Variants in KCNH8 observed in about 807,000 individuals in gnomAD.
KCNH8 encodes potassium voltage-gated channel subfamily H member 8, also known as voltage-gated delayed rectifier potassium channel KCNH8.
Under a neutral mutation model 103.6 loss-of-function variants are expected in KCNH8, and 70 were observed. That is an observed-to-expected ratio of 0.68 (90% CI 0.56 to 0.82). The LOEUF (loss-of-function observed/expected upper bound fraction) is 0.82. Among genes scored for constraint, KCNH8 ranks in the 40% least tolerant of loss-of-function variants. KCNH8 has a pLI of 0.00. For missense variants in KCNH8, 1,217 were observed against 1,329.9 expected (o/e 0.92, Z 1.32); for synonymous variants, 498 against 489.4 (o/e 1.02, Z -0.23).
At chr3:19,321,268 G>A (rs1197778602) in intron 3 of KCNH8, among the ~76,000 whole-genome samples, 4 of 151,758 alleles carry the variant, frequency 2.6e-5, no homozygotes, top group South Asian at 2.1e-4. Flanking sequence ...TCCGAGGTGC[G>A]ACCTTAGATT....
intron 1 of KCNH8, among the ~76,000 whole-genome samples, chr3:19,160,752 C>T (rs914906211): frequency 1.3e-5 from 2 of 152,124 alleles, no homozygotes; most frequent in Non-Finnish European, 2.9e-5. Context: ...CTCCATCCCA[C>T]CCAGGATGTG....
intron 11 of KCNH8, among the ~76,000 whole-genome samples, chr3:19,485,928 C>T (rs1415143133): frequency 6.6e-6 from 1 of 152,176 alleles, no homozygotes; most frequent in Non-Finnish European, 1.5e-5. Context: ...ATGCTCCATG[C>T]ACTTGAGAAT....
chr3:19,253,072 T>C (rs1241071216), intron 1 of KCNH8, among the ~76,000 whole-genome samples: 1 of 152,182 alleles, frequency 6.6e-6, no homozygotes, highest in Non-Finnish European at 1.5e-5. Context: ...AACCTTTAGT[T>C]GTACTCCTCA....
At chr3:19,341,911 A>G (rs2065664535) in intron 3 of KCNH8, among the ~76,000 whole-genome samples, 1 of 152,162 alleles carries the variant, frequency 6.6e-6, no homozygotes, top group Admixed American at 6.6e-5. Flanking sequence ...TACCACTGCC[A>G]GTAATTTATT....
At chr3:19,180,676 GT>G (rs940027802) in intron 1 of KCNH8, among the ~76,000 whole-genome samples, 2 of 151,554 alleles carry the variant, frequency 1.3e-5, no homozygotes, top group Non-Finnish European at 2.9e-5. Flanking sequence ...AAGTTGTATG[GT>G]TTTTTTTGTT....
At position 19,438,256 on chromosome 3, in the gene KCNH8, G is replaced by A. The variant is rs1160540365; in HGVS notation, c.1270G>A (p.Ala424Thr). The change falls in exon 8 of 16, where the codon GCT becomes ACT. Residue 424 changes from alanine (A) to threonine (T), a missense_variant. Physicochemically the swap from Ala to Thr is moderately conservative, Grantham distance 58. Around this residue, in one of 3 missense-constraint regions of KCNH8, gnomAD observed 415 missense variants for 577.4 expected, o/e 0.72. Coordinates refer to ENST00000328405, the MANE Select transcript of KCNH8 (RefSeq NM_144633.3). ...GPSIRSAYIA[A>T]LYFTLSSLTS... is the part of the protein sequence containing the mutation. ...GTCGATCCGAAGTGCCTATATTGCC[G>A]CTCTGTACTTCACGCTGAGCAGCCT... 3 of 1,613,902 alleles carry A rather than the reference G, an allele frequency of 1.9e-6. No individual in the cohort carries two copies. Among genetic ancestry groups the A allele is most frequent in the Non-Finnish European group, 2.5e-6 (3 of 1,179,970 alleles).
chr3:19,176,864 T>C (rs1352805827), intron 1 of KCNH8, among the ~76,000 whole-genome samples: 2 of 152,178 alleles, frequency 1.3e-5, no homozygotes, highest in African/African-American at 2.4e-5. Flanking sequence ...AGGAGTTAAG[T>C]TCTTGTGAGC....
intron 1 of KCNH8, among the ~76,000 whole-genome samples, chr3:19,240,560 C>T (rs944114111): frequency 6.7e-5 from 10 of 150,246 alleles, no homozygotes; most frequent in Admixed American, 2.0e-4. Flanking sequence ...TGCGGTGAGC[C>T]GAGATCGTGC....
At chr3:19,320,728 C>G (rs2065338709) in intron 3 of KCNH8, among the ~76,000 whole-genome samples, 1 of 151,752 alleles carries the variant, frequency 6.6e-6, no homozygotes, top group Non-Finnish European at 1.5e-5. Flanking sequence ...CTTCCTCTGT[C>G]TTTTGGGATA....
intron 1 of KCNH8, among the ~76,000 whole-genome samples, chr3:19,213,094 T>A (rs1019957008): frequency 6.6e-6 from 1 of 152,176 alleles, no homozygotes; most frequent in Admixed American, 6.5e-5. Context: ...GACTCCTTCT[T>A]TGCACCCAAT....
intron 7 of KCNH8, among the ~76,000 whole-genome samples, chr3:19,398,584 A>G (rs1363121653): frequency 2.0e-5 from 3 of 151,980 alleles, no homozygotes; most frequent in Admixed American, 2.0e-4. Context: ...AGTGAGGGAT[A>G]AAGTTCCCTT....
chr3:19,293,019 C>G (rs1260933708), intron 3 of KCNH8, among the ~76,000 whole-genome samples: 1 of 152,052 alleles, frequency 6.6e-6, no homozygotes, highest in East Asian at 1.9e-4. Context: ...ATAGAAATAG[C>G]CAAAAGAGAA....
chr3:19,470,860 A>G (rs2067841221), intron 11 of KCNH8, among the ~76,000 whole-genome samples: 1 of 152,214 alleles, frequency 6.6e-6, no homozygotes, highest in Admixed American at 6.5e-5. Context: ...ATATATTAAA[A>G]TAAAAACATA....
At chr3:19,326,509 T>G (rs1378659524) in intron 3 of KCNH8, among the ~76,000 whole-genome samples, 1 of 151,892 alleles carries the variant, frequency 6.6e-6, no homozygotes, top group Non-Finnish European at 1.5e-5. Context: ...TGAGTCAGGC[T>G]TAGGTAAAAT....
chr3:19,313,448 T>C (rs902002771), intron 3 of KCNH8, among the ~76,000 whole-genome samples: 1 of 151,898 alleles, frequency 6.6e-6, no homozygotes. Flanking sequence ...CTAAGGCTTA[T>C]TTTACTGTAA....
At chr3:19,228,435 T>C (rs2063956837) in intron 1 of KCNH8, among the ~76,000 whole-genome samples, 1 of 152,208 alleles carries the variant, frequency 6.6e-6, no homozygotes, top group Admixed American at 6.5e-5. Flanking sequence ...TGAGCACTTT[T>C]ATAATTTGTG....
chr3:19,336,058 TATTAA>T (rs1476008675), intron 3 of KCNH8, among the ~76,000 whole-genome samples: 1 of 151,658 alleles, frequency 6.6e-6, no homozygotes, highest in Non-Finnish European at 1.5e-5. Flanking sequence ...ATTGTTTTCC[TATTAA>T]ATTACTATAT....
chr3:19,211,746 G>A (rs75768397), intron 1 of KCNH8, among the ~76,000 whole-genome samples: 6,205 of 152,104 alleles, frequency 0.041, 441 homozygotes, highest in African/African-American at 0.14. Context: ...ATCTCAGATC[G>A]CATTTATTTT....
chr3:19,511,876 G>A (rs1315527707), intron 12 of KCNH8, among the ~76,000 whole-genome samples: 3 of 151,994 alleles, frequency 2.0e-5, no homozygotes, highest in African/African-American at 7.3e-5. Flanking sequence ...TCACTGCAAT[G>A]TTAGATCTGT....
Sources: gnomAD v4.1 joint callset for allele counts (sites outside exome capture counted in the v4.1 genomes callset) on GRCh38, gnomAD v4.1.1 for gene constraint, gnomAD v4.1.1 regional missense constraint, MANE v1.5 for transcripts, NCBI Gene and HGNC (gene_info 2026-07-23, HGNC 2026-07-21) for gene names.